The following LARGE1 variants were observed in gnomAD, a reference collection of about 807,000 sequenced individuals.
LARGE1 encodes the protein xylosyl- and glucuronyltransferase LARGE1.
LARGE1 carries 43 observed loss-of-function variants against 87.6 expected under a neutral mutation model. That is an observed-to-expected ratio of 0.49 (90% CI 0.38 to 0.63). The LOEUF (loss-of-function observed/expected upper bound fraction) is 0.63, where lower values mean the gene tolerates loss of function less well. LARGE1 is among the 30% of genes least tolerant of loss of function. The pLI is 0.00. For synonymous variants in LARGE1, 434 were observed against 394.6 expected (o/e 1.10, Z -1.18); for missense variants, 802 against 1,000.2 (o/e 0.80, Z 2.67).
the LARGE1 span, among the ~76,000 whole-genome samples, chr22:33,131,199 C>T: frequency 6.5e-4 from 99 of 152,104 alleles, no homozygotes; most frequent in Middle Eastern, 3.4e-3. Context: ...AACTGCTTTC[C>T]CTTCTTTTAA....
At chr22:33,319,363 A>C (rs73401411) in intron 10 of LARGE1, among the ~76,000 whole-genome samples, 3,637 of 152,238 alleles carry the variant, frequency 0.024, 137 homozygotes, top group African/African-American at 0.083. Context: ...TGCCAAAGTC[A>C]TGCAAGCCAG....
At chr22:33,550,867 A>G (rs921503807) in intron 6 of LARGE1, among the ~76,000 whole-genome samples, 3 of 152,246 alleles carry the variant, frequency 2.0e-5, no homozygotes, top group African/African-American at 7.2e-5. Context: ...CTATTTAGCC[A>G]CAAAAAAGAA....
chr22:33,325,533 G>A (rs141488643), intron 10 of LARGE1, among the ~76,000 whole-genome samples: 79 of 152,326 alleles, frequency 5.2e-4, no homozygotes, highest in African/African-American at 1.7e-3. Flanking sequence ...AAAACTACCT[G>A]CCAATCATGA....
At chr22:33,348,781 G>A (rs1183371971) in intron 9 of LARGE1, among the ~76,000 whole-genome samples, 2 of 151,822 alleles carry the variant, frequency 1.3e-5, no homozygotes, top group Non-Finnish European at 2.9e-5. Flanking sequence ...GACTGGAACC[G>A]ATATGGTTTG....
At chr22:33,825,361 A>AAGAC (rs1377915294) in intron 1 of LARGE1, among the ~76,000 whole-genome samples, 1 of 125,738 alleles carries the variant, frequency 8.0e-6, no homozygotes, top group African/African-American at 2.7e-5. Context: ...ATTATAATAA[A>AAGAC]AGACATACCC....
intron 1 of LARGE1, among the ~76,000 whole-genome samples, chr22:33,882,033 T>G (rs867372796): frequency 4.7e-5 from 6 of 127,680 alleles, no homozygotes; most frequent in Middle Eastern, 4.0e-3. Flanking sequence ...TTTTTTGTTT[T>G]TGTTTTTTTT....
At chr22:33,267,591 A>C (rs1240070393), downstream of LARGE1, among the ~76,000 whole-genome samples, 3 of 151,440 alleles carry the variant, frequency 2.0e-5, no homozygotes, top group Non-Finnish European at 4.4e-5. Context: ...CGGGGGTCTG[A>C]GAGTGATCAG....
chr22:33,196,735 C>A lies in LARGE1; in HGVS notation c.1731-29903G>T, dbSNP rs531585228. 1.1e-3 allele frequency among the ~76,000 whole-genome samples: 160 copies of A among 146,130 alleles called. 1 individual carries two copies. The highest frequency in any genetic ancestry group is 4.0e-3 in the African/African-American group (156 of 39,378). ...GAGGAAGAGAGAGGGAGAGAGGAAA[C>A]GAAGAATAAGGAGGAGGAATAAAAA... On this transcript the variant is annotated intron_variant, in intron 11 of 11. Transcript: ENST00000608642.
At chr22:33,599,148 A>C (rs1343090978) in intron 5 of LARGE1, among the ~76,000 whole-genome samples, 2 of 152,128 alleles carry the variant, frequency 1.3e-5, no homozygotes, top group Non-Finnish European at 2.9e-5. Context: ...TGTCTACTGA[A>C]TTATACAATC....
rs527600309 is a variant in LARGE1 at position 33,470,649 on chromosome 22, G to A, written c.788-38384C>T. 7.2e-5 allele frequency among the ~76,000 whole-genome samples: 11 copies of A among 152,228 alleles called. 1 individual carries two copies. In the South Asian group the frequency reaches 1.7e-3, roughly 23 times the overall value. ...CCCGGAAGGGCCCCTCATTCCTCTC[G>A]TCCATAAGCTGCCCTCACCTTGTGA... On this transcript the variant is annotated intron_variant, in intron 6 of 14. Transcript: ENST00000397394.
chr22:33,369,758 G>C (rs1326228711), intron 9 of LARGE1, among the ~76,000 whole-genome samples: 1 of 151,858 alleles, frequency 6.6e-6, no homozygotes, highest in Non-Finnish European at 1.5e-5. Flanking sequence ...TAGTAGAGAC[G>C]GGGTTTCACC....
chr22:33,375,844 G>A (rs2064975470), intron 9 of LARGE1, among the ~76,000 whole-genome samples: 1 of 152,110 alleles, frequency 6.6e-6, no homozygotes, highest in Non-Finnish European at 1.5e-5. Context: ...GGCTCCTGGG[G>A]TGAAGCAGTT....
At chr22:33,651,935 A>G (rs2080830578) in intron 2 of LARGE1, among the ~76,000 whole-genome samples, 1 of 152,122 alleles carries the variant, frequency 6.6e-6, no homozygotes, top group Non-Finnish European at 1.5e-5. Flanking sequence ...GCATTTTGGG[A>G]GGCCAAGGCG....
intron 11 of LARGE1, among the ~76,000 whole-genome samples, chr22:33,211,532 G>A (rs1306020852): frequency 6.6e-6 from 1 of 152,148 alleles, no homozygotes; most frequent in Non-Finnish European, 1.5e-5. Flanking sequence ...CAGCACTTTG[G>A]GAGGCCGAGG....
intron 11 of LARGE1, among the ~76,000 whole-genome samples, chr22:33,176,756 T>C (rs1922894635): frequency 6.6e-6 from 1 of 152,212 alleles, no homozygotes; most frequent in South Asian, 2.1e-4. Flanking sequence ...TGGCGATTCC[T>C]CAAGGATCTA....
intron 6 of LARGE1, among the ~76,000 whole-genome samples, chr22:33,488,253 C>A (rs2069674129): frequency 6.6e-6 from 1 of 152,224 alleles, no homozygotes; most frequent in African/African-American, 2.4e-5. Context: ...AGGCACATCT[C>A]CTGTGCTCAG....
chr22:33,288,156 G>T (rs758926243), intron 12 of LARGE1, among the ~76,000 whole-genome samples: 1 of 152,194 alleles, frequency 6.6e-6, no homozygotes. Flanking sequence ...ACACTGCTGT[G>T]CAAGTGTTTC....
chr22:33,268,519 C>T (rs1279640013), downstream of LARGE1, among the ~76,000 whole-genome samples: 1 of 151,458 alleles, frequency 6.6e-6, no homozygotes, highest in Non-Finnish European at 1.5e-5. Context: ...GCTCCGTCCC[C>T]CGGGTTCTCA....
the LARGE1 span, among the ~76,000 whole-genome samples, chr22:33,135,305 T>C: frequency 5.3e-5 from 8 of 152,260 alleles, no homozygotes. Context: ...TCTAATAGAA[T>C]AGTCACTGGA....
Sources: allele counts gnomAD v4.1 joint callset (sites outside exome capture counted in the v4.1 genomes callset), GRCh38; gene constraint gnomAD v4.1.1; transcripts MANE v1.5; gene names NCBI Gene and HGNC (gene_info 2026-07-23, HGNC 2026-07-21).